The following AP3D1 variants were observed in gnomAD, a reference collection of about 807,000 sequenced individuals.
AP3D1 encodes the protein AP-3 complex subunit delta-1.
Under a neutral mutation model 147.6 loss-of-function variants are expected in AP3D1, and 51 were observed. That is an observed-to-expected ratio of 0.35 (90% CI 0.28 to 0.44). The LOEUF is 0.44. Ranked by LOEUF, AP3D1 falls within the 20% of genes least tolerant of loss-of-function variation. The pLI, the probability that AP3D1 is intolerant of heterozygous loss-of-function variation, is 1.00. For missense variants in AP3D1, 1,421 were observed against 1,624.2 expected (o/e 0.87, Z 2.15); for synonymous variants, 760 against 663.0 (o/e 1.15, Z -2.25).
intron 3 of AP3D1, among the ~76,000 whole-genome samples, chr19:2,137,383 A>C (rs1236362269): frequency 6.6e-6 from 1 of 151,324 alleles, no homozygotes; most frequent in Non-Finnish European, 1.5e-5. Flanking sequence ...GCACGATCTC[A>C]GCTCACTGCA....
chr19:2,132,740 G>A (rs1238234420), intron 4 of AP3D1, among the ~76,000 whole-genome samples, 162 bp from the exon 5 acceptor site: 3 of 152,332 alleles, frequency 2.0e-5, no homozygotes, highest in African/African-American at 2.4e-5. Context: ...CTGCTGAGGG[G>A]TCTGAAGCTG....
At chr19:2,133,905 C>T (rs1458755111) in intron 4 of AP3D1, among the ~76,000 whole-genome samples, 3 of 151,692 alleles carry the variant, frequency 2.0e-5, no homozygotes, top group Non-Finnish European at 4.4e-5. Flanking sequence ...GTCAGGAGAT[C>T]GAGACCATCC....
At chr19:2,136,149 G>A (rs576640127) in intron 4 of AP3D1, among the ~76,000 whole-genome samples, 4 of 152,226 alleles carry the variant, frequency 2.6e-5, no homozygotes, top group Admixed American at 6.5e-5. Context: ...CATGTCGCCC[G>A]CGGCCCAGGC....
chr19:2,119,410 G>A (rs895122083), intron 14 of AP3D1, among the ~76,000 whole-genome samples: 7 of 151,048 alleles, frequency 4.6e-5, no homozygotes, highest in African/African-American at 1.5e-4. Context: ...TACAGAAAGT[G>A]AGGGCGGGCA....
chr19:2,121,434 C>T (rs1471209301), intron 12 of AP3D1, 123 bp from the exon 13 acceptor site: 14 of 1,310,768 alleles, frequency 1.1e-5, no homozygotes, highest in African/African-American at 4.4e-5. Context: ...ATTCACAGAT[C>T]GATGCCAGGG....
intron 9 of AP3D1, among the ~76,000 whole-genome samples, chr19:2,126,665 A>AG (rs1167585585): frequency 6.6e-6 from 1 of 151,804 alleles, no homozygotes; most frequent in East Asian, 1.9e-4. Context: ...AAAAAAAAAA[A>AG]AAAAAAGAAA....
chr19:2,136,930 G>C lies in AP3D1; in HGVS notation c.354+81C>G. The C allele has an allele frequency of 3.8e-6, 5 of 1,322,682 alleles. No individual in the cohort carries two copies. In the Middle Eastern group the frequency reaches 9.6e-4, roughly 253 times the overall value. The allele number at this position is 1,322,682 out of a possible 1,614,324, so 81.9% of individuals were successfully genotyped here. ...GGCCACAGGCACCTGCTGCCCACAG[G>C]AAGACGCGTGTGGGAACCAGACGCT... On this transcript the variant is annotated intron_variant, in intron 4 of 31. Transcript: ENST00000643116.
chr19:2,157,267 C>A (rs1342456698), intron 1 of AP3D1, among the ~76,000 whole-genome samples: 3 of 151,114 alleles, frequency 2.0e-5, no homozygotes, highest in Non-Finnish European at 4.4e-5. Flanking sequence ...ACGGTGAAAC[C>A]CCGTCTCTAC....
intron 12 of AP3D1, 23 bp from the exon 13 acceptor site, chr19:2,121,334 T>C (rs892880541): frequency 6.2e-6 from 10 of 1,613,182 alleles, no homozygotes; most frequent in Non-Finnish European, 8.5e-6. Flanking sequence ...GTACAGACAG[T>C]GGTGAGAGCG....
At position 2,113,426 on chromosome 19, in the gene AP3D1, G is replaced by A. The variant is rs1480228123; in HGVS notation, c.2602-13C>T. On this transcript the variant is annotated splice_polypyrimidine_tract_variant and intron_variant, in intron 22 of 31. Coordinates refer to ENST00000643116, the MANE Select transcript of AP3D1 (RefSeq NM_001261826.3). Reference sequence around the variant, plus strand: ...CCAGGTCCTCAGCCTGAAACCACAAGACAGGCTGTCAGCAAACGCAGTGCA... The same window carrying A: ...CCAGGTCCTCAGCCTGAAACCACAAAACAGGCTGTCAGCAAACGCAGTGCA... 2.8e-6 allele frequency: 4 copies of A among 1,452,808 alleles called. No homozygotes were observed. The highest frequency in any genetic ancestry group is 2.7e-6 in the Non-Finnish European group (3 of 1,100,982). 90.0% of individuals were successfully genotyped at this position (1,452,808 alleles called of 1,614,324 possible).
At chr19:2,110,308 A>G (rs1599442396) in intron 27 of AP3D1, 84 bp from the exon 28 acceptor site, 1 of 1,172,216 alleles carries the variant, frequency 8.5e-7, no homozygotes, top group Non-Finnish European at 1.3e-6. Flanking sequence ...CTCAGTCCCA[A>G]GTCCTCTGTG....
intron 9 of AP3D1, among the ~76,000 whole-genome samples, chr19:2,125,410 G>T (rs1287393642): frequency 6.6e-6 from 1 of 152,124 alleles, no homozygotes; most frequent in East Asian, 1.9e-4. Flanking sequence ...CTGCCTCCCT[G>T]GTTCAAGCAA....
chr19:2,124,989 T>C (rs753775399), intron 9 of AP3D1, among the ~76,000 whole-genome samples: 3 of 152,114 alleles, frequency 2.0e-5, no homozygotes, highest in Admixed American at 6.5e-5. Context: ...CAGGGACTTG[T>C]GGGAGGTGGG....
chr19:2,104,681 T>TTG (rs1568271698), intron 31 of AP3D1, among the ~76,000 whole-genome samples: 11 of 149,374 alleles, frequency 7.4e-5, no homozygotes, highest in Non-Finnish European at 1.0e-4. Flanking sequence ...TTTTTTTTTT[T>TTG]TTTTTTTTGG....
At chr19:2,133,918 A>T (rs1358637497) in intron 4 of AP3D1, among the ~76,000 whole-genome samples, 1 of 151,754 alleles carries the variant, frequency 6.6e-6, no homozygotes, top group Non-Finnish European at 1.5e-5. Context: ...GACCATCCTG[A>T]CCAACATGGT....
intron 1 of AP3D1, among the ~76,000 whole-genome samples, chr19:2,146,265 G>A (rs977910590): frequency 1.3e-5 from 2 of 152,148 alleles, no homozygotes; most frequent in African/African-American, 2.4e-5. Flanking sequence ...CTACAAGCAA[G>A]TCAAGGAAAT....
upstream of AP3D1, among the ~76,000 whole-genome samples, chr19:2,155,639 TTTTG>T (rs1253366507): frequency 2.0e-5 from 3 of 152,092 alleles, no homozygotes; most frequent in African/African-American, 7.2e-5. Flanking sequence ...CTACCTAGCA[TTTTG>T]TTTATTATTG....
At chr19:2,125,376 C>A (rs1271166647) in intron 9 of AP3D1, among the ~76,000 whole-genome samples, 1 of 152,150 alleles carries the variant, frequency 6.6e-6, no homozygotes. Context: ...AGTGCAACGG[C>A]ACAATCTTGG....
In AP3D1 at chr19:2,113,353, C is replaced by A. The variant is rs566126695; in HGVS notation, c.2662G>T (p.Ala888Ser). The A allele has an allele frequency of 6.4e-6, 1 of 156,240 alleles. No homozygotes were observed. Among genetic ancestry groups the A allele is most frequent in the South Asian group, 1.7e-4 (1 of 5,840 alleles). The allele number at this position is 156,240 out of a possible 1,614,324, so 9.7% of individuals were successfully genotyped here. ...TPPPAPAPAP[A>S]PVPSTGELSV... ...TCTCTTACCGTGGATGGAACGGGGGCGGGGGCGGGGGCGGGGGCAGGCGGT... is the reference window on the plus strand; with the variant it reads ...TCTCTTACCGTGGATGGAACGGGGGAGGGGGCGGGGGCGGGGGCAGGCGGT... Residue 888 changes from alanine to serine, a missense_variant, in exon 23 of 32, where the codon GCC becomes TCC. By Grantham distance (99) the Ala-to-Ser change is moderately conservative (BLOSUM62 1). Around this residue, in one of 6 missense-constraint regions of AP3D1, gnomAD observed 791 missense variants for 761.4 expected, o/e 1.04. Coordinates refer to ENST00000643116, the MANE Select transcript of AP3D1 (RefSeq NM_001261826.3).
Sources: gnomAD v4.1 joint callset for allele counts (sites outside exome capture counted in the v4.1 genomes callset) on GRCh38, gnomAD v4.1.1 for gene constraint, gnomAD v4.1.1 regional missense constraint, MANE v1.5 for transcripts, NCBI Gene and HGNC (gene_info 2026-07-23, HGNC 2026-07-21) for gene names.